Variants in BCAR3 observed in about 807,000 individuals in gnomAD.
BCAR3 encodes the protein BCAR3 adaptor protein, NSP family member, also known as breast cancer anti-estrogen resistance protein 3.
In BCAR3, 37 loss-of-function variants were observed where a neutral mutation model predicts 80.1. The ratio of observed to expected loss-of-function variants is 0.46; its 90% CI spans 0.36 to 0.61. BCAR3 has a LOEUF of 0.61. Ranked by LOEUF, BCAR3 falls within the 20% of genes least tolerant of loss-of-function variation. BCAR3 has a pLI of 0.00. For synonymous variants in BCAR3, 389 were observed against 418.9 expected, an observed-to-expected ratio of 0.93 and a Z score of 0.87; for missense variants, 978 against 1,068.2, an observed-to-expected ratio of 0.92 and a Z score of 1.18.
chr1:93,626,611 A>C (rs955663268), intron 3 of BCAR3, among the ~76,000 whole-genome samples: 1 of 152,222 alleles, frequency 6.6e-6, no homozygotes, highest in African/African-American at 2.4e-5. Context: ...GCACAAAGCA[A>C]GGCAGAGGCA....
chr1:93,675,000 C>T, intron 1 of BCAR3, 59 bp from the exon 2 acceptor site: 1 of 1,352,798 alleles, frequency 7.4e-7, no homozygotes, highest in Non-Finnish European at 9.9e-7. Context: ...GAACTGACTT[C>T]CTACTTACAA....
In BCAR3 at chr1:93,824,006, T is replaced by G. The variant is rs1458179486; in HGVS notation, c.-63+21561A>C. Among the ~76,000 whole-genome samples, 2 of 134,118 alleles carry G rather than the reference T, an allele frequency of 1.5e-5. 1 individual carries two copies. Among genetic ancestry groups the G allele is most frequent in the Non-Finnish European group, 3.4e-5 (2 of 59,290 alleles). The allele number at this position is 134,118 out of a possible 152,430, so 88.0% of individuals were successfully genotyped here. ...AGCCACCGCGCCTGGCCGAAAAGTA[T>G]CTCATTGTTTACTTGTCTGTCACCC... is the stretch of plus-strand genomic sequence containing the variant. On this transcript the variant is annotated intron_variant, in intron 2 of 13. Coordinates refer to the BCAR3 transcript ENST00000370244.
intron 2 of BCAR3, among the ~76,000 whole-genome samples, chr1:93,764,398 C>T (rs1347966011): frequency 6.6e-6 from 1 of 152,108 alleles, no homozygotes; most frequent in East Asian, 1.9e-4. Flanking sequence ...CTGACACCGC[C>T]ATTCATCGCA....
intron 3 of BCAR3, among the ~76,000 whole-genome samples, chr1:93,620,127 G>A (rs1387958735): frequency 6.6e-6 from 1 of 152,048 alleles, no homozygotes; most frequent in African/African-American, 2.4e-5. Flanking sequence ...CCACACGCTG[G>A]GCTACAGGAA....
chr1:93,787,682 AT>A lies in BCAR3; in HGVS notation c.-63+57884del, dbSNP rs1412342276. Among the ~76,000 whole-genome samples, 5 of 152,254 alleles carry A rather than the reference AT, an allele frequency of 3.3e-5. No homozygotes were observed. In the East Asian group the frequency reaches 9.7e-4, roughly 29 times the overall value. The stretch of plus-strand genomic sequence containing the variant: ...CCACTGTGGTCTGAGAAGATACTTG[AT>A]ATGATTTCAATTTTCTTAAATTTAT... On this transcript the variant is annotated intron_variant, in intron 2 of 13. Transcript: ENST00000370244.
chr1:93,679,093 G>A (rs970388645), intron 1 of BCAR3, among the ~76,000 whole-genome samples: 7 of 152,182 alleles, frequency 4.6e-5, no homozygotes, highest in Non-Finnish European at 7.3e-5. Flanking sequence ...CTTACCAGCT[G>A]TATGGCCTGG....
At chr1:93,568,882 G>A (rs1301294247) in intron 9 of BCAR3, among the ~76,000 whole-genome samples, 1 of 152,162 alleles carries the variant, frequency 6.6e-6, no homozygotes. Context: ...GGGTGCAGTG[G>A]TGCGATCACA....
chr1:93,639,900 A>T (rs902858103), intron 3 of BCAR3, among the ~76,000 whole-genome samples: 1 of 152,144 alleles, frequency 6.6e-6, no homozygotes. Flanking sequence ...GACTCAGGAT[A>T]GGATAAGACT....
intron 3 of BCAR3, among the ~76,000 whole-genome samples, chr1:93,689,106 A>G (rs919790221): frequency 1.5e-4 from 23 of 152,224 alleles, no homozygotes; most frequent in African/African-American, 5.5e-4. Flanking sequence ...TCATCCTAGC[A>G]GGGAACATGG....
At chr1:93,700,031 A>G (rs1649579904) in intron 3 of BCAR3, among the ~76,000 whole-genome samples, 2 of 152,216 alleles carry the variant, frequency 1.3e-5, no homozygotes, top group Admixed American at 1.3e-4. Context: ...TTGCCTGGCC[A>G]GTCAAGGGCA....
intron 3 of BCAR3, among the ~76,000 whole-genome samples, chr1:93,631,038 A>G (rs183245178): frequency 9.2e-5 from 14 of 152,328 alleles, no homozygotes; most frequent in Admixed American, 8.5e-4. Flanking sequence ...CTATTGTCTC[A>G]CAGCTCTGGA....
intron 2 of BCAR3, among the ~76,000 whole-genome samples, chr1:93,650,164 C>T (rs980893583): frequency 8.5e-5 from 13 of 152,104 alleles, no homozygotes; most frequent in African/African-American, 3.1e-4. Flanking sequence ...GCAGGCAGAT[C>T]ACTTGAGGTC....
intron 3 of BCAR3, among the ~76,000 whole-genome samples, chr1:93,605,038 C>T (rs1192914673): frequency 1.3e-5 from 2 of 152,192 alleles, no homozygotes; most frequent in African/African-American, 2.4e-5. Flanking sequence ...AACCGAAACA[C>T]GATGAGATTT....
intron 2 of BCAR3, among the ~76,000 whole-genome samples, chr1:93,736,323 G>A (rs533383309): frequency 1.8e-3 from 270 of 152,288 alleles, no homozygotes; most frequent in African/African-American, 6.3e-3. Context: ...GAGTAGATGG[G>A]ATTACAAGCG....
chr1:93,613,215 A>G (rs1675007405), intron 3 of BCAR3, among the ~76,000 whole-genome samples: 1 of 152,248 alleles, frequency 6.6e-6, no homozygotes, highest in Non-Finnish European at 1.5e-5. Flanking sequence ...AGTGCGTCAC[A>G]GGCAGGCAAA....
chr1:93,789,438 T>C (rs1035265500), intron 2 of BCAR3, among the ~76,000 whole-genome samples: 1 of 152,220 alleles, frequency 6.6e-6, no homozygotes, highest in African/African-American at 2.4e-5. Context: ...AAAAATGTTA[T>C]AGTCAAGTTG....
chr1:93,605,957 TTC>T (rs1027407528), intron 3 of BCAR3, among the ~76,000 whole-genome samples: 3 of 152,136 alleles, frequency 2.0e-5, no homozygotes, highest in Admixed American at 6.5e-5. Context: ...GACTTTCAAA[TTC>T]TCTCTCTCCA....
chr1:93,660,129 T>C (rs1647584347), intron 2 of BCAR3, among the ~76,000 whole-genome samples: 1 of 152,068 alleles, frequency 6.6e-6, no homozygotes, highest in Non-Finnish European at 1.5e-5. Flanking sequence ...CACTACACTC[T>C]ATGAGTTCAC....
intron 2 of BCAR3, among the ~76,000 whole-genome samples, chr1:93,795,153 G>A (rs1315268159): frequency 2.3e-5 from 2 of 85,808 alleles, no homozygotes; most frequent in Admixed American, 1.3e-4. Flanking sequence ...CTCTTCTCGA[G>A]GAGTACCTTT....
Sources: gnomAD v4.1 joint callset for allele counts (sites outside exome capture counted in the v4.1 genomes callset) on GRCh38, gnomAD v4.1.1 for gene constraint, MANE v1.5 for transcripts, NCBI Gene and HGNC (gene_info 2026-07-23, HGNC 2026-07-21) for gene names.